KCNH7: variants seen among roughly 807,000 people sequenced by gnomAD.
KCNH7 encodes the protein potassium voltage-gated channel subfamily H member 7, also known as voltage-gated inwardly rectifying potassium channel KCNH7.
KCNH7 carries 49 observed loss-of-function variants against 120.8 expected under a neutral mutation model. The ratio of observed to expected loss-of-function variants is 0.41; its 90% CI spans 0.32 to 0.51. KCNH7 has a LOEUF of 0.51. Among genes scored for constraint, KCNH7 ranks in the 20% least tolerant of loss-of-function variants. KCNH7 has a pLI of 0.38. For missense variants in KCNH7, 1,097 were observed against 1,446.6 expected, an observed-to-expected ratio of 0.76 and a Z score of 3.92; for synonymous variants, 547 against 516.1, an observed-to-expected ratio of 1.06 and a Z score of -0.81.
chr2:162,506,694 C>T (rs776995927), intron 5 of KCNH7, among the ~76,000 whole-genome samples: 10 of 151,694 alleles, frequency 6.6e-5, no homozygotes, highest in Non-Finnish European at 8.8e-5. Flanking sequence ...GCTAAATTCA[C>T]GGATCATCGA....
At chr2:162,538,525 G>A (rs762444846) in intron 2 of KCNH7, among the ~76,000 whole-genome samples, 40 of 152,022 alleles carry the variant, frequency 2.6e-4, no homozygotes, top group African/African-American at 5.6e-4. Context: ...GACAGGGGCC[G>A]GGCAAACAGC....
At chr2:162,615,548 G>A (rs1574173019) in intron 2 of KCNH7, among the ~76,000 whole-genome samples, 1 of 152,102 alleles carries the variant, frequency 6.6e-6, no homozygotes, top group African/African-American at 2.4e-5. Flanking sequence ...TTCTCAAATG[G>A]TAGGTAGAAA....
At chr2:162,488,409 C>A (rs919625837) in intron 6 of KCNH7, among the ~76,000 whole-genome samples, 3 of 152,162 alleles carry the variant, frequency 2.0e-5, no homozygotes, top group East Asian at 1.9e-4. Flanking sequence ...ATTGAACATG[C>A]CTCAGATACA....
At chr2:162,486,447 C>T (rs1385639446) in intron 6 of KCNH7, among the ~76,000 whole-genome samples, 1 of 152,072 alleles carries the variant, frequency 6.6e-6, no homozygotes, top group Non-Finnish European at 1.5e-5. Flanking sequence ...CACAGGTGGA[C>T]TTGGAACAGG....
chr2:162,828,044 T>C (rs1685346790), intron 2 of KCNH7, among the ~76,000 whole-genome samples: 2 of 152,114 alleles, frequency 1.3e-5, no homozygotes, highest in South Asian at 4.1e-4. Context: ...CGGCTAAAGA[T>C]CAAATGATTA....
intron 2 of KCNH7, among the ~76,000 whole-genome samples, chr2:162,813,994 C>T (rs3912912): frequency 0.58 from 87,990 of 152,078 alleles, 27,043 homozygotes; most frequent in South Asian, 0.84. Flanking sequence ...CACATTCTGA[C>T]TTTTAATAAA....
At chr2:162,615,530 T>G (rs1683115192) in intron 2 of KCNH7, among the ~76,000 whole-genome samples, 1 of 152,186 alleles carries the variant, frequency 6.6e-6, no homozygotes, top group Admixed American at 6.5e-5. Context: ...TTAAAAAATT[T>G]ATTAGGGTTC....
intron 10 of KCNH7, among the ~76,000 whole-genome samples, chr2:162,398,264 T>C (rs1255351061): frequency 6.6e-6 from 1 of 151,862 alleles, no homozygotes; most frequent in African/African-American, 2.4e-5. Flanking sequence ...CTGTAGAAGC[T>C]ATCAAAGACT....
chr2:162,630,191 G>A (rs1683715721), intron 2 of KCNH7, among the ~76,000 whole-genome samples: 1 of 152,082 alleles, frequency 6.6e-6, no homozygotes, highest in Non-Finnish European at 1.5e-5. Context: ...GTAAAACTGA[G>A]TTAAGTTTTG....
chr2:162,419,274 TAAAA>T (rs758417385), intron 9 of KCNH7, among the ~76,000 whole-genome samples: 2 of 61,876 alleles, frequency 3.2e-5, no homozygotes, highest in Middle Eastern at 9.3e-3. Context: ...TGTCCCAGGC[TAAAA>T]AAAAAAAAAA....
chr2:162,742,256 GTTTAA>G (rs1409971941), intron 2 of KCNH7, among the ~76,000 whole-genome samples: 8 of 152,206 alleles, frequency 5.3e-5, no homozygotes, highest in African/African-American at 1.4e-4. Flanking sequence ...CGAAGAGTTG[GTTTAA>G]TTTATCTTTT....
At chr2:162,400,136 T>C (rs1687029209) in intron 10 of KCNH7, 53 bp downstream of exon 10, 2 of 1,578,964 alleles carry the variant, frequency 1.3e-6, no homozygotes, top group Non-Finnish European at 1.7e-6. Context: ...TTTTAAACTA[T>C]GCATTACAAG....
At chr2:162,664,832 T>G (rs1353175141) in intron 2 of KCNH7, among the ~76,000 whole-genome samples, 1 of 152,138 alleles carries the variant, frequency 6.6e-6, no homozygotes, top group African/African-American at 2.4e-5. Context: ...ACAGAAAAGA[T>G]TCAGCATTAA....
At chr2:162,781,734 TTTCCC>T (rs1446806596) in intron 2 of KCNH7, among the ~76,000 whole-genome samples, 1 of 152,156 alleles carries the variant, frequency 6.6e-6, no homozygotes, top group Non-Finnish European at 1.5e-5. Context: ...TTAAACTGTC[TTTCCC>T]TCAAGTCACT....
At chr2:162,615,002 C>G (rs1017388946) in intron 2 of KCNH7, among the ~76,000 whole-genome samples, 1 of 151,966 alleles carries the variant, frequency 6.6e-6, no homozygotes, top group East Asian at 1.9e-4. Flanking sequence ...TATAGCAATA[C>G]GGTTTAAATG....
chr2:162,395,715 T>G (rs1034975608), intron 11 of KCNH7, among the ~76,000 whole-genome samples: 6 of 151,702 alleles, frequency 4.0e-5, no homozygotes, highest in African/African-American at 1.4e-4. Context: ...CTTTTCAGAG[T>G]TTTAAAAAGA....
intron 3 of KCNH7, among the ~76,000 whole-genome samples, chr2:162,520,708 A>G (rs1336209177): frequency 1.3e-5 from 2 of 151,854 alleles, no homozygotes; most frequent in African/African-American, 4.8e-5. Flanking sequence ...GTTTGAGGCT[A>G]CAGTTAGCTA....
intron 4 of KCNH7, among the ~76,000 whole-genome samples, chr2:162,516,200 A>G (rs1477120444): frequency 6.6e-6 from 1 of 151,798 alleles, no homozygotes; most frequent in African/African-American, 2.4e-5. Context: ...TCACAGCAAC[A>G]TAATTGCTTG....
intron 2 of KCNH7, among the ~76,000 whole-genome samples, chr2:162,654,675 T>C (rs893731669): frequency 5.9e-5 from 9 of 152,136 alleles, no homozygotes; most frequent in African/African-American, 2.2e-4. Context: ...GAAATCAGTA[T>C]GTCAAACAGA....
Sources: gnomAD v4.1 joint callset for allele counts (sites outside exome capture counted in the v4.1 genomes callset) on GRCh38, gnomAD v4.1.1 for gene constraint, MANE v1.5 for transcripts, NCBI Gene and HGNC (gene_info 2026-07-23, HGNC 2026-07-21) for gene names.